The following VAPB variants were observed in gnomAD, a reference collection of about 807,000 sequenced individuals.
VAPB encodes the protein vesicle-associated membrane protein-associated protein B/C.
VAPB carries 7 observed loss-of-function variants against 25.6 expected under a neutral mutation model. The observed-to-expected ratio is 0.27, with a 90% CI of 0.16 to 0.51. The LOEUF (loss-of-function observed/expected upper bound fraction) is 0.51, where lower values mean the gene tolerates loss of function less well. Ranked by LOEUF, VAPB falls within the 20% of genes least tolerant of loss-of-function variation. The probability of loss-of-function intolerance (pLI) is 0.97; values close to 1 mark genes in which losing one functional copy is unlikely to be tolerated. For synonymous variants in VAPB, 112 were observed against 109.2 expected, an observed-to-expected ratio of 1.03 and a Z score of -0.16; for missense variants, 266 against 301.3, an observed-to-expected ratio of 0.88 and a Z score of 0.87.
At position 58,449,786 on chromosome 20, in the gene VAPB, A is replaced by C. The variant is rs938060110; in HGVS notation, c.*5551A>C. 2.2e-6 allele frequency: 1 copy of C among 454,008 alleles called. No individual in the cohort carries two copies. Among genetic ancestry groups the C allele is most frequent in the Non-Finnish European group, 4.4e-6 (1 of 226,794 alleles). The allele number at this position is 454,008 out of a possible 1,614,324, so 28.1% of individuals were successfully genotyped here. On this transcript the variant is annotated 3_prime_UTR_variant, in exon 6 of 6. Transcript: ENST00000475243. ...TCACTTGGCTAATGGATGTGGGTGC[A>C]GGACAGATGCTCGCTTGCTGGCCTG...
intron 2 of VAPB, among the ~76,000 whole-genome samples, chr20:58,429,531 G>T (rs1222575176): frequency 6.6e-6 from 1 of 152,228 alleles, no homozygotes; most frequent in Non-Finnish European, 1.5e-5. Context: ...CATCTGTAAG[G>T]TCTGCAGTAA....
At chr20:58,409,934 C>A (rs999971099) in intron 1 of VAPB, among the ~76,000 whole-genome samples, 8 of 148,338 alleles carry the variant, frequency 5.4e-5, no homozygotes, top group African/African-American at 1.0e-4. Flanking sequence ...CACACACACA[C>A]AATACAGATA....
rs1181982536 is a variant in VAPB, at chr20:58,389,276, C to G, written c.-184C>G. 5.7e-6 allele frequency: 4 copies of G among 705,136 alleles called. No individual in the cohort carries two copies. The highest frequency in any genetic ancestry group is 7.6e-6 in the Non-Finnish European group (3 of 397,242). 43.7% of individuals were successfully genotyped at this position (705,136 alleles called of 1,614,324 possible). A position where few individuals can be genotyped will look rare whatever the true frequency, so the allele number is the denominator to read the frequency against. ...ACCGCGGCCTCGCCCTCGCCCTCCG[C>G]CCCTGCGCCTGCACCGCGTAGACCG... is the stretch of plus-strand genomic sequence containing the variant. On this transcript the variant is annotated 5_prime_UTR_variant, in exon 1 of 6. Coordinates refer to ENST00000475243, the MANE Select transcript of VAPB (RefSeq NM_004738.5).
chr20:58,417,731 A>C (rs1399572926), intron 1 of VAPB, among the ~76,000 whole-genome samples: 1 of 152,204 alleles, frequency 6.6e-6, no homozygotes, highest in Non-Finnish European at 1.5e-5. Flanking sequence ...TCCTCTTGGC[A>C]CACTGCTCTA....
At position 58,446,247 on chromosome 20, in the gene VAPB, G is replaced by A. The variant is rs1000867664; in HGVS notation, c.*2012G>A. 9.7e-5 allele frequency: 44 copies of A among 453,948 alleles called. No individual in the cohort carries two copies. The highest frequency in any genetic ancestry group is 6.0e-4 in the African/African-American group (30 of 49,986). The allele number at this position is 453,948 out of a possible 1,614,324, so 28.1% of individuals were successfully genotyped here. A position where few individuals can be genotyped will look rare whatever the true frequency, so the allele number is the denominator to read the frequency against. On this transcript the variant is annotated 3_prime_UTR_variant, in exon 6 of 6. Transcript: ENST00000475243. ...ACTTATAAAAGGGAGTGAAAAGACC[G>A]AGCTGTAAGGCATGTGCCTTCTGCC...
At chr20:58,413,781 TC>T (rs1353793384) in intron 1 of VAPB, among the ~76,000 whole-genome samples, 3 of 110,122 alleles carry the variant, frequency 2.7e-5, no homozygotes, top group Admixed American at 1.8e-4. Context: ...GGGGCTGACC[TC>T]CCCACCTCCC....
intron 2 of VAPB, among the ~76,000 whole-genome samples, chr20:58,425,788 T>C (rs574201481): frequency 6.6e-6 from 1 of 152,180 alleles, no homozygotes; most frequent in Admixed American, 6.5e-5. Context: ...ATTCCGGAGG[T>C]GGGGTCCAGC....
intron 1 of VAPB, among the ~76,000 whole-genome samples, chr20:58,397,897 TG>T (rs1196085910): frequency 6.6e-6 from 1 of 152,186 alleles, no homozygotes; most frequent in Non-Finnish European, 1.5e-5. Flanking sequence ...AGATACACTT[TG>T]GGAAGTCGTC....
chr20:58,426,082 G>T (rs1373660018), intron 2 of VAPB, among the ~76,000 whole-genome samples: 2 of 152,044 alleles, frequency 1.3e-5, no homozygotes, highest in Non-Finnish European at 2.9e-5. Flanking sequence ...TTTAGTTAGG[G>T]ATGGGATTTC....
At chr20:58,393,036 T>G (rs578200588) in intron 1 of VAPB, among the ~76,000 whole-genome samples, 8 of 152,144 alleles carry the variant, frequency 5.3e-5, no homozygotes, top group Non-Finnish European at 1.2e-4. Flanking sequence ...TCTGAGAGAG[T>G]AAATGTTTTT....
intron 4 of VAPB, 112 bp from the exon 5 acceptor site, chr20:58,440,795 G>T: frequency 1.1e-6 from 1 of 942,696 alleles, no homozygotes; most frequent in Admixed American, 2.2e-5. Flanking sequence ...ATTTTACAGT[G>T]TGGATGAAAT....
chr20:58,402,779 C>T (rs1180400855), intron 1 of VAPB, among the ~76,000 whole-genome samples: 2 of 151,994 alleles, frequency 1.3e-5, no homozygotes, highest in African/African-American at 4.8e-5. Flanking sequence ...CCGAGGCAAG[C>T]GAATCAGTTG....
intron 2 of VAPB, among the ~76,000 whole-genome samples, chr20:58,423,098 G>C (rs1270523158): frequency 6.6e-6 from 1 of 152,048 alleles, no homozygotes; most frequent in African/African-American, 2.4e-5. Flanking sequence ...CACATTTAAA[G>C]CATAAAGTTT....
intron 1 of VAPB, 60 bp downstream of exon 1, chr20:58,389,577 G>T (rs1034075736): frequency 2.4e-4 from 358 of 1,499,110 alleles, no homozygotes; most frequent in Non-Finnish European, 6.3e-5. Flanking sequence ...CTGGAAGGAC[G>T]GAGCCCGGCG....
chr20:58,423,883 T>A (rs1988728713), intron 2 of VAPB, among the ~76,000 whole-genome samples: 1 of 152,202 alleles, frequency 6.6e-6, no homozygotes, highest in Non-Finnish European at 1.5e-5. Context: ...TTTCAGCAGA[T>A]GAGAGATTCT....
At chr20:58,429,423 G>A (rs541876985) in intron 2 of VAPB, among the ~76,000 whole-genome samples, 8 of 152,344 alleles carry the variant, frequency 5.3e-5, no homozygotes, top group African/African-American at 1.9e-4. Context: ...TTGCATGCCT[G>A]TTTATGTCTT....
At chr20:58,403,526 C>G (rs1339008531) in intron 1 of VAPB, among the ~76,000 whole-genome samples, 1 of 152,180 alleles carries the variant, frequency 6.6e-6, no homozygotes, top group Non-Finnish European at 1.5e-5. Context: ...TCACTCAAAC[C>G]CTTCTTAGTT....
intron 5 of VAPB, among the ~76,000 whole-genome samples, chr20:58,441,885 A>G (rs1475693407): frequency 6.6e-6 from 1 of 152,104 alleles, no homozygotes; most frequent in African/African-American, 2.4e-5. Context: ...TGTGGTGATG[A>G]GCTTGGAGGT....
chr20:58,446,761 A>G lies in VAPB; in HGVS notation c.*2526A>G, dbSNP rs1247526829. The G allele has an allele frequency of 6.6e-6, 3 of 454,026 alleles. No individual in the cohort carries two copies. The highest frequency in any genetic ancestry group is 1.3e-5 in the Non-Finnish European group (3 of 226,802). 28.1% of individuals were successfully genotyped at this position (454,026 alleles called of 1,614,324 possible). A position where few individuals can be genotyped will look rare whatever the true frequency, so the allele number is the denominator to read the frequency against. ...AAGGAAACTGCTCAGGAAGAGAAAC[A>G]GGTGACTGATGGGAAGGTTGATTAT... On this transcript the variant is annotated 3_prime_UTR_variant, in exon 6 of 6. Transcript: ENST00000475243.
Sources: gnomAD v4.1 joint callset for allele counts (sites outside exome capture counted in the v4.1 genomes callset) on GRCh38, gnomAD v4.1.1 for gene constraint, MANE v1.5 for transcripts, NCBI Gene and HGNC (gene_info 2026-07-23, HGNC 2026-07-21) for gene names.